Variants in ATP2C1 observed in about 807,000 individuals in gnomAD.
The protein encoded by ATP2C1 is calcium-transporting ATPase type 2C member 1.
Under a neutral mutation model 120.5 loss-of-function variants are expected in ATP2C1, and 31 were observed. The observed-to-expected ratio is 0.26, with a 90% CI of 0.19 to 0.35. ATP2C1 has a LOEUF of 0.35. ATP2C1 is among the 10% of genes least tolerant of loss of function. ATP2C1 has a pLI of 1.00. For synonymous variants in ATP2C1, 351 were observed against 358.7 expected (o/e 0.98, Z 0.24); for missense variants, 731 against 1,107.5 (o/e 0.66, Z 4.83).
chr3:130,894,304 C>G lies in ATP2C1; in HGVS notation c.-214C>G. 1.0e-6 allele frequency: 1 copy of G among 987,578 alleles called. No individual in the cohort carries two copies. The highest frequency in any genetic ancestry group is 1.2e-6 in the Non-Finnish European group (1 of 831,180). 61.2% of individuals were successfully genotyped at this position (987,578 alleles called of 1,614,324 possible). On this transcript the variant is annotated 5_prime_UTR_variant, in exon 1 of 28. Coordinates refer to ENST00000510168, the MANE Select transcript of ATP2C1 (RefSeq NM_001378687.1). This position sits in a 1 kb window ranked among gnomAD's most constrained non-coding sequence, Gnocchi z 4.5. ...CCCCGCGAGCCCCGCGGCTGAGACC[C>G]CGCAGCCTGGAGGAGGGCTGTCCGG...
intron 22 of ATP2C1, 93 bp from the exon 23 acceptor site, chr3:130,995,950 T>C: frequency 1.1e-6 from 1 of 937,914 alleles, no homozygotes; most frequent in East Asian, 2.4e-5. Flanking sequence ...CGGTTGGAAA[T>C]TTATTTTCAA....
Position 131,002,186 on chromosome 3 carries a change from G to A in ATP2C1, c.*836G>A, listed in dbSNP as rs1191938804. 4 of 973,980 alleles carry A rather than the reference G, an allele frequency of 4.1e-6. No homozygotes were observed. The African/African-American group carries it at 7.0e-5, about 17-fold the overall frequency. The allele number at this position is 973,980 out of a possible 1,614,324, so 60.3% of individuals were successfully genotyped here. ...ATTATATTAACATGTCTTCCTTTTTGAGGTAAAGATATATACTTTGTCAAA... is the reference window on the plus strand; with the variant it reads ...ATTATATTAACATGTCTTCCTTTTTAAGGTAAAGATATATACTTTGTCAAA... On this transcript the variant is annotated 3_prime_UTR_variant, in exon 28 of 28. Transcript: ENST00000510168.
intron 9 of ATP2C1, among the ~76,000 whole-genome samples, chr3:130,954,706 C>T (rs1475902225): frequency 1.3e-5 from 2 of 152,100 alleles, no homozygotes; most frequent in African/African-American, 2.4e-5. Context: ...AGGCTGATCT[C>T]GAACTCCTGA....
At chr3:130,908,859 A>G (rs1385824421) in intron 2 of ATP2C1, among the ~76,000 whole-genome samples, 1 of 152,156 alleles carries the variant, frequency 6.6e-6, no homozygotes, top group African/African-American at 2.4e-5. Flanking sequence ...AAAATGGATT[A>G]GAATTAGTTC....
chr3:130,992,168 T>G (rs915159637), intron 20 of ATP2C1, among the ~76,000 whole-genome samples: 5 of 152,128 alleles, frequency 3.3e-5, no homozygotes, highest in African/African-American at 7.2e-5. Flanking sequence ...GAAGGGAGAA[T>G]AGCGGATACC....
intron 2 of ATP2C1, among the ~76,000 whole-genome samples, chr3:130,902,297 GTT>G (rs398052267): frequency 6.8e-4 from 9 of 13,250 alleles, no homozygotes; most frequent in East Asian, 4.2e-3. Context: ...TTTTTTTTTT[GTT>G]TTTTTTTTTT....
intron 26 of ATP2C1, among the ~76,000 whole-genome samples, chr3:131,010,722 A>G (rs1050611078): frequency 3.3e-5 from 5 of 152,178 alleles, no homozygotes; most frequent in African/African-American, 7.2e-5. Flanking sequence ...TGGAGTTGCT[A>G]TAATATTCTC....
At chr3:130,902,116 A>G (rs552154080) in intron 2 of ATP2C1, among the ~76,000 whole-genome samples, 3 of 152,122 alleles carry the variant, frequency 2.0e-5, no homozygotes, top group African/African-American at 7.2e-5. Flanking sequence ...CTCACTTGTA[A>G]AGAGATTATG....
chr3:130,872,568 T>A (rs926332530), intron 1 of ATP2C1, among the ~76,000 whole-genome samples: 3 of 151,984 alleles, frequency 2.0e-5, no homozygotes, highest in Admixed American at 1.3e-4. Context: ...CACTCCCATT[T>A]GAGGAGTACT....
At position 130,894,836 on chromosome 3, in the gene ATP2C1, A is replaced by G. The variant is rs2069453473; in HGVS notation, c.6+61A>G. 2.0e-6 allele frequency: 3 copies of G among 1,503,844 alleles called. No individual in the cohort carries two copies. Among genetic ancestry groups the G allele is most frequent in the Non-Finnish European group, 1.9e-6 (2 of 1,079,620 alleles). The allele number at this position is 1,503,844 out of a possible 1,614,324, so 93.2% of individuals were successfully genotyped here. ...TTGAGGGTGTGGTGGTTTGCTTTTA[A>G]GTTGTCTTTGTTTTTCCACCTTTTT... is the stretch of plus-strand genomic sequence containing the variant. On this transcript the variant is annotated intron_variant, in intron 2 of 27. Transcript: ENST00000510168. This position sits in a 1 kb window ranked among gnomAD's most constrained non-coding sequence, Gnocchi z 4.5.
chr3:131,007,182 A>G (rs2063147943), downstream of ATP2C1, among the ~76,000 whole-genome samples: 1 of 152,188 alleles, frequency 6.6e-6, no homozygotes, highest in African/African-American at 2.4e-5. Flanking sequence ...ATCCTTAGAA[A>G]TCCTTTTCTA....
chr3:130,853,596 C>G (rs533898747), intron 1 of ATP2C1, among the ~76,000 whole-genome samples: 1 of 152,292 alleles, frequency 6.6e-6, no homozygotes, highest in Non-Finnish European at 1.5e-5. Flanking sequence ...CTGGAGGTCT[C>G]CTGTACATCC....
chr3:130,934,822 A>G, intron 5 of ATP2C1, 111 bp downstream of exon 5: 2 of 747,278 alleles, frequency 2.7e-6, no homozygotes, highest in Non-Finnish European at 2.3e-6. Flanking sequence ...TTCAGTGTCC[A>G]AATTCTGCTT....
intron 8 of ATP2C1, among the ~76,000 whole-genome samples, chr3:130,949,872 C>G (rs2060296923): frequency 2.0e-5 from 3 of 152,176 alleles, no homozygotes; most frequent in Admixed American, 2.0e-4. Context: ...CATGATCAGG[C>G]AGCTACAGGT....
At chr3:130,890,725 C>T (rs2069140355), upstream of ATP2C1, among the ~76,000 whole-genome samples, 1 of 152,164 alleles carries the variant, frequency 6.6e-6, no homozygotes, top group African/African-American at 2.4e-5. Flanking sequence ...TGGAACTAGG[C>T]AGATTTATAG....
chr3:130,958,384 A>G (rs1345434871), intron 11 of ATP2C1, among the ~76,000 whole-genome samples: 1 of 152,190 alleles, frequency 6.6e-6, no homozygotes, highest in African/African-American at 2.4e-5. Context: ...CATTTACCTA[A>G]GCAGACAGGA....
At chr3:130,893,406 G>C (rs1381701445), upstream of ATP2C1, among the ~76,000 whole-genome samples, 1 of 152,150 alleles carries the variant, frequency 6.6e-6, no homozygotes, top group East Asian at 1.9e-4. Context: ...ATTACACATG[G>C]TAACTAAGCA....
chr3:130,937,515 T>G, intron 6 of ATP2C1, 52 bp downstream of exon 6: 1 of 1,484,740 alleles, frequency 6.7e-7, no homozygotes, highest in Non-Finnish European at 9.4e-7. Context: ...TGCTTAAAAA[T>G]CAAGGTGTCT....
intron 20 of ATP2C1, among the ~76,000 whole-genome samples, chr3:130,982,367 A>C (rs72985760): frequency 4.7e-4 from 71 of 152,362 alleles, no homozygotes; most frequent in African/African-American, 1.5e-3. Context: ...CCCACAGCAC[A>C]GTAGCTTCTT....
Sources: gnomAD v4.1 joint callset for allele counts (sites outside exome capture counted in the v4.1 genomes callset) on GRCh38, gnomAD v4.1.1 for gene constraint, Gnocchi (gnomAD v3.1) non-coding constraint, MANE v1.5 for transcripts, NCBI Gene and HGNC (gene_info 2026-07-23, HGNC 2026-07-21) for gene names.